The following NEMP2 variants were observed in gnomAD, a reference collection of about 807,000 sequenced individuals.
NEMP2 encodes nuclear envelope integral membrane protein 2.
In NEMP2, 53 loss-of-function variants were observed where a neutral mutation model predicts 54.2. That is an observed-to-expected ratio of 0.98 (90% CI 0.78 to 1.23). The LOEUF (loss-of-function observed/expected upper bound fraction) is 1.23. Among genes scored for constraint, NEMP2 ranks in the 50% most tolerant of loss-of-function variants. The pLI is 0.00. For synonymous variants in NEMP2, 197 were observed against 190.3 expected (o/e 1.04, Z -0.29); for missense variants, 455 against 511.3 (o/e 0.89, Z 1.06).
the NEMP2 span, among the ~76,000 whole-genome samples, chr2:190,482,903 T>TTTG: frequency 4.1e-3 from 350 of 86,222 alleles, 118 homozygotes; most frequent in South Asian, 0.011. Flanking sequence ...TTTTTTTTTT[T>TTTG]AGACGGAGTC....
chr2:190,483,948 G>GGTAGT, the NEMP2 span, among the ~76,000 whole-genome samples: 1 of 151,996 alleles, frequency 6.6e-6, no homozygotes, highest in South Asian at 2.1e-4. Flanking sequence ...CTTGGCAGTA[G>GGTAGT]GTAGTGTGGA....
chr2:190,447,598 A>G, the NEMP2 span, among the ~76,000 whole-genome samples: 66 of 152,368 alleles, frequency 4.3e-4, 1 homozygote, highest in Non-Finnish European at 7.6e-4. The surrounding 1 kb of genome is among the most constrained non-coding windows in gnomAD (Gnocchi z 4.5). Flanking sequence ...TTTAGGCATT[A>G]TAAGCTACTA....
At chr2:190,558,884 T>C in the NEMP2 span, among the ~76,000 whole-genome samples, 1 of 152,242 alleles carries the variant, frequency 6.6e-6, no homozygotes, top group Non-Finnish European at 1.5e-5. The surrounding 1 kb of genome is among the most constrained non-coding windows in gnomAD (Gnocchi z 4.4). Flanking sequence ...AGATTATGGA[T>C]AGCATATATA....
At chr2:190,427,169 G>A in the NEMP2 span, among the ~76,000 whole-genome samples, 1 of 152,228 alleles carries the variant, frequency 6.6e-6, no homozygotes, top group East Asian at 1.9e-4. Flanking sequence ...GTTACCAACA[G>A]GTGGGTTGGC....
the NEMP2 span, among the ~76,000 whole-genome samples, chr2:190,599,349 T>C: frequency 1.5e-4 from 23 of 152,318 alleles, no homozygotes; most frequent in Middle Eastern, 6.8e-3. Flanking sequence ...CTGAAGCTTT[T>C]GGGCTAAACT....
chr2:190,598,446 C>T, the NEMP2 span, among the ~76,000 whole-genome samples: 1 of 152,220 alleles, frequency 6.6e-6, no homozygotes, highest in Non-Finnish European at 1.5e-5. Context: ...CTTATAATTG[C>T]TTTTCTACAC....
the NEMP2 span, among the ~76,000 whole-genome samples, chr2:190,558,036 C>A: frequency 1.3e-5 from 2 of 152,274 alleles, no homozygotes; most frequent in East Asian, 3.9e-4. The surrounding 1 kb of genome is among the most constrained non-coding windows in gnomAD (Gnocchi z 4.4). Context: ...ATGTTTATTG[C>A]AGCACTGTTC....
the NEMP2 span, chr2:190,489,830 C>T: frequency 1.2e-6 from 2 of 1,614,186 alleles, no homozygotes; most frequent in Non-Finnish European, 1.7e-6. This position sits in a 1 kb window ranked among gnomAD's most constrained non-coding sequence, Gnocchi z 6.6. Flanking sequence ...GCTCTTTGCC[C>T]TGATCCAGTG....
At chr2:190,566,710 G>A in the NEMP2 span, among the ~76,000 whole-genome samples, 2 of 122,906 alleles carry the variant, frequency 1.6e-5, no homozygotes, top group Non-Finnish European at 3.7e-5. Context: ...AGGAAGGAGG[G>A]AAGAAAAGAA....
upstream of NEMP2, among the ~76,000 whole-genome samples, chr2:190,536,928 A>G (rs1691395454): frequency 6.6e-6 from 1 of 152,202 alleles, no homozygotes; most frequent in South Asian, 2.1e-4. Flanking sequence ...CTGGACATTA[A>G]TATTATTTAC....
At chr2:190,485,076 A>C in the NEMP2 span, among the ~76,000 whole-genome samples, 1 of 152,192 alleles carries the variant, frequency 6.6e-6, no homozygotes, top group Non-Finnish European at 1.5e-5. The surrounding 1 kb of genome is among the most constrained non-coding windows in gnomAD (Gnocchi z 5.1). Flanking sequence ...CTAGTCAGTA[A>C]ATTCTAAGAA....
the NEMP2 span, among the ~76,000 whole-genome samples, chr2:190,433,796 A>G: frequency 6.6e-6 from 1 of 152,178 alleles, no homozygotes; most frequent in East Asian, 1.9e-4. This position sits in a 1 kb window ranked among gnomAD's most constrained non-coding sequence, Gnocchi z 4.5. Flanking sequence ...TACAAGTATA[A>G]TTTTAGAAGG....
chr2:190,545,454 A>G, the NEMP2 span, among the ~76,000 whole-genome samples: 4 of 152,386 alleles, frequency 2.6e-5, no homozygotes, highest in Admixed American at 6.5e-5. Context: ...GGAAACCTAC[A>G]AACAGCAGAT....
At chr2:190,497,789 T>C in the NEMP2 span, 1 of 1,480,046 alleles carries the variant, frequency 6.8e-7, no homozygotes, top group Non-Finnish European at 9.2e-7. The surrounding 1 kb of genome is among the most constrained non-coding windows in gnomAD (Gnocchi z 5.2). Flanking sequence ...TCAGTTTTAA[T>C]TACTCACTTT....
At chr2:190,477,671 C>G in the NEMP2 span, among the ~76,000 whole-genome samples, 14 of 152,260 alleles carry the variant, frequency 9.2e-5, no homozygotes, top group East Asian at 2.7e-3. Context: ...AAAATATATA[C>G]ATATATTAAC....
chr2:190,470,012 G>A, the NEMP2 span, among the ~76,000 whole-genome samples: 1 of 152,124 alleles, frequency 6.6e-6, no homozygotes. Context: ...ACATCAGGAG[G>A]GATGGTTCCT....
At chr2:190,468,619 ATT>A in the NEMP2 span, among the ~76,000 whole-genome samples, 4,066 of 127,974 alleles carry the variant, frequency 0.032, 198 homozygotes, top group African/African-American at 0.1. Flanking sequence ...AGCCTGGCTA[ATT>A]TTTTTTTTTT....
At chr2:190,501,587 A>G (rs145145666), downstream of NEMP2, 44 of 150,824 alleles carry the variant, frequency 2.9e-4, no homozygotes, top group African/African-American at 9.9e-4. Flanking sequence ...AGAAAAGAAC[A>G]GTCGAAATGA....
chr2:190,528,714 T>C lies in NEMP2; in HGVS notation c.98-3336A>G, dbSNP rs957610537. Reference sequence around the variant, plus strand: ...TCATAGAACAGTTCCCTTTTGTTAATGGTCTGAGGAAATAACCTTTTGGTG... The same window carrying C: ...TCATAGAACAGTTCCCTTTTGTTAACGGTCTGAGGAAATAACCTTTTGGTG... On this transcript the variant is annotated intron_variant, in intron 1 of 8. Coordinates refer to ENST00000409150, the MANE Select transcript of NEMP2 (RefSeq NM_001142645.2). This position sits in a 1 kb window ranked among gnomAD's most constrained non-coding sequence, Gnocchi z 4.3. Among the ~76,000 whole-genome samples, 1 of 152,216 alleles carries C rather than the reference T, an allele frequency of 6.6e-6. No individual in the cohort carries two copies. The highest frequency in any genetic ancestry group is 2.4e-5 in the African/African-American group (1 of 41,456).
Sources: allele counts gnomAD v4.1 joint callset (sites outside exome capture counted in the v4.1 genomes callset), GRCh38; gene constraint gnomAD v4.1.1; non-coding constraint Gnocchi (gnomAD v3.1); transcripts MANE v1.5; gene names NCBI Gene and HGNC (gene_info 2026-07-23, HGNC 2026-07-21).